Variants in SF3B2 observed in about 807,000 individuals in gnomAD.
SF3B2 encodes splicing factor 3b subunit 2.
SF3B2 carries 22 observed loss-of-function variants against 116.3 expected under a neutral mutation model. The ratio of observed to expected loss-of-function variants is 0.19; its 90% CI spans 0.14 to 0.27. The LOEUF is 0.27. SF3B2 is among the 10% of genes least tolerant of loss of function. SF3B2 has a pLI of 1.00. For missense variants in SF3B2, 767 were observed against 1,151.4 expected (o/e 0.67, Z 4.83); for synonymous variants, 406 against 421.6 (o/e 0.96, Z 0.45).
intron 21 of SF3B2, 137 bp from the exon 22 acceptor site, chr11:66,068,537 A>G: frequency 1.2e-6 from 1 of 863,776 alleles, no homozygotes; most frequent in Non-Finnish European, 1.8e-6. Context: ...GCCAAGTCTG[A>G]GAGGGAGCTC....
intron 19 of SF3B2, chr11:66,064,696 G>A (rs773095170): frequency 9.2e-5 from 14 of 152,198 alleles, no homozygotes; most frequent in South Asian, 2.1e-4. Context: ...GTTAGGGGGC[G>A]TGGTGGCTTA....
intron 19 of SF3B2, chr11:66,066,455 A>G (rs1380515593): frequency 1.3e-5 from 2 of 152,056 alleles, no homozygotes; most frequent in Non-Finnish European, 2.9e-5. Flanking sequence ...GTGCCTGGTA[A>G]TTTTTTATTG....
chr11:66,056,692 A>G, intron 5 of SF3B2, 146 bp from the exon 6 acceptor site: 1 of 630,034 alleles, frequency 1.6e-6, no homozygotes, highest in Admixed American at 2.4e-5. Context: ...GTAGCCTGGA[A>G]GTGTGGGGGT....
intron 5 of SF3B2, 115 bp downstream of exon 5, chr11:66,055,700 GTTC>G: frequency 3.4e-6 from 3 of 890,354 alleles, no homozygotes; most frequent in Non-Finnish European, 5.3e-6. Flanking sequence ...TCTCAACTAA[GTTC>G]TAGTATCTTC....
chr11:66,067,713 T>C, intron 19 of SF3B2: 1 of 533,212 alleles, frequency 1.9e-6, no homozygotes, highest in South Asian at 2.0e-5. Context: ...CTGTGATCCC[T>C]TGACTTGATT....
chr11:66,059,744 G>A lies in SF3B2; in HGVS notation c.1402-38G>A, dbSNP rs540494266. On this transcript the variant is annotated intron_variant, in intron 12 of 21. Coordinates refer to ENST00000322535, the MANE Select transcript of SF3B2 (RefSeq NM_006842.3). This position sits in a 1 kb window ranked among gnomAD's most constrained non-coding sequence, Gnocchi z 5.0. Reference sequence around the variant, plus strand: ...AGAAGAGCTTCAGAACTGAGAAGTCGGGGCTCTCGAGAACACGCATTACTA... The same window carrying A: ...AGAAGAGCTTCAGAACTGAGAAGTCAGGGCTCTCGAGAACACGCATTACTA... 1.9e-6 allele frequency: 3 copies of A among 1,609,426 alleles called. No individual in the cohort carries two copies. The highest frequency in any genetic ancestry group is 2.2e-5 in the East Asian group (1 of 44,832).
rs377754149 is a variant in SF3B2, at chr11:66,063,432, C to G, written c.2118C>G (p.Thr706=). 4 of 1,613,690 alleles carry G rather than the reference C, an allele frequency of 2.5e-6. No homozygotes were observed. In the African/African-American group the frequency reaches 5.3e-5, roughly 22 times the overall value. ...TKTEEEEIDR[T]PWGELEPSDE... ...CTGAGGAAGAAGAGATTGATCGGAC[C>G]CCTTGGGGGGAACTGGAACCATCTG... The change falls in exon 18 of 22, where the codon ACC becomes ACG. Residue 706 remains threonine (T), a synonymous_variant. Coordinates refer to ENST00000322535, the MANE Select transcript of SF3B2 (RefSeq NM_006842.3).
intron 3 of SF3B2, among the ~76,000 whole-genome samples, chr11:66,054,507 C>G (rs962986744): frequency 1.9e-4 from 29 of 150,658 alleles, no homozygotes; most frequent in Admixed American, 4.0e-4. Context: ...AGCTTGAATA[C>G]AAGGAAGACT....
chr11:66,068,682 A>C lies in SF3B2; in HGVS notation c.2625A>C (p.Lys875Asn), dbSNP rs757670256. The C allele has an allele frequency of 3.1e-6, 5 of 1,613,924 alleles. No homozygotes were observed. Among genetic ancestry groups the C allele is most frequent in the South Asian group, 1.1e-5 (1 of 91,082 alleles). The change falls in exon 22 of 22, where the codon AAA (lysine) becomes AAC (asparagine). Residue 875 changes from lysine (K) to asparagine (N), a missense_variant. By Grantham distance (94) the Lys-to-Asn change is moderately conservative (BLOSUM62 0). Coordinates refer to ENST00000322535, the MANE Select transcript of SF3B2 (RefSeq NM_006842.3). Reference sequence around the variant, plus strand: ...TCTTTCTCCCTATACAGCAAAAAAAACGGAAAGCTCAGCCCCAGGACAGCC... The same window carrying C: ...TCTTTCTCCCTATACAGCAAAAAAACCGGAAAGCTCAGCCCCAGGACAGCC... ...AEHAAKQKQK[K>N]RKAQPQDSRG... is the part of the protein sequence containing the mutation.
intron 14 of SF3B2, 59 bp downstream of exon 14, chr11:66,060,790 T>G: frequency 6.7e-7 from 1 of 1,486,280 alleles, no homozygotes; most frequent in Non-Finnish European, 9.2e-7. Flanking sequence ...TGTCTAGGGC[T>G]TTTTTTTGTT....
At position 66,056,580 on chromosome 11, in the gene SF3B2, A is replaced by G. The variant is rs111344366; in HGVS notation, c.550-258A>G. Among the ~76,000 whole-genome samples, 48 of 152,316 alleles carry G rather than the reference A, an allele frequency of 3.2e-4. 1 individual carries two copies. The highest frequency in any genetic ancestry group is 1.1e-3 in the African/African-American group (46 of 41,554). ...AAAGTAGAAGGCACTGTTTGGCTCA[A>G]TATGAAATTCTCTGCTAGGAACCAG... On this transcript the variant is annotated intron_variant, in intron 5 of 21. Coordinates refer to ENST00000322535, the MANE Select transcript of SF3B2 (RefSeq NM_006842.3).
At chr11:66,067,745 C>T (rs1457157993) in intron 19 of SF3B2, 5 of 568,934 alleles carry the variant, frequency 8.8e-6, no homozygotes, top group Non-Finnish European at 1.6e-5. Context: ...TTAGCTCCAT[C>T]TGTGTTCCCT....
In SF3B2 at chr11:66,063,429, G is replaced by A; in HGVS notation, c.2115G>A (p.Arg705=). 1 of 1,613,934 alleles carries A rather than the reference G, an allele frequency of 6.2e-7. No homozygotes were observed. Among genetic ancestry groups the A allele is most frequent in the Non-Finnish European group, 8.5e-7 (1 of 1,179,882 alleles). Reference sequence around the variant, plus strand: ...AGACTGAGGAAGAAGAGATTGATCGGACCCCTTGGGGGGAACTGGAACCAT... The same window carrying A: ...AGACTGAGGAAGAAGAGATTGATCGAACCCCTTGGGGGGAACTGGAACCAT... ...QTKTEEEEID[R]TPWGELEPSD... is the part of the protein sequence containing the mutation. Residue 705 remains arginine, a synonymous_variant, in exon 18 of 22, where the codon CGG becomes CGA. Coordinates refer to ENST00000322535, the MANE Select transcript of SF3B2 (RefSeq NM_006842.3).
Position 66,063,057 on chromosome 11 carries a change from G to T in SF3B2, c.2026G>T (p.Asp676Tyr). The T allele has an allele frequency of 6.2e-7, 1 of 1,614,154 alleles. No individual in the cohort carries two copies. The highest frequency in any genetic ancestry group is 8.5e-7 in the Non-Finnish European group (1 of 1,180,012). ...TGGTGGCTGGGGCAAACCTCCAGTG[G>T]ATGAGACTGGGAAACCGCTCTATGG... Reference protein sequence around the residue: ...HAGGWGKPPVDETGKPLYGDV... With the variant: ...HAGGWGKPPVYETGKPLYGDV... The change falls in exon 17 of 22, where the codon GAT becomes TAT. Residue 676 changes from aspartate to tyrosine, a missense_variant. By Grantham distance (160) the Asp-to-Tyr change is radical. Transcript: ENST00000322535.
intron 4 of SF3B2, 23 bp downstream of exon 4, chr11:66,055,338 C>T (rs745980548): frequency 1.9e-6 from 3 of 1,604,954 alleles, no homozygotes; most frequent in South Asian, 2.2e-5. Context: ...GCAGCCCTGG[C>T]CTTGGACTCA....
intron 19 of SF3B2, chr11:66,067,274 A>G: frequency 2.5e-6 from 1 of 392,662 alleles, no homozygotes; most frequent in Non-Finnish European, 5.1e-6. Flanking sequence ...TGAACCCTTT[A>G]GGTCATGGTA....
intron 16 of SF3B2, among the ~76,000 whole-genome samples, 170 bp downstream of exon 16, chr11:66,062,168 T>G (rs1056687492): frequency 1.3e-5 from 2 of 152,214 alleles, no homozygotes; most frequent in Non-Finnish European, 1.5e-5. Flanking sequence ...AAACAAATAA[T>G]GGTTTTTGTT....
At chr11:66,060,101 C>A in intron 13 of SF3B2, 92 bp downstream of exon 13, 1 of 1,053,446 alleles carries the variant, frequency 9.5e-7, no homozygotes, top group Non-Finnish European at 1.4e-6. Flanking sequence ...TGAAACCCAC[C>A]TACCACCTAC....
Position 66,055,225 on chromosome 11 carries a change from T to C in SF3B2, c.408T>C (p.Gly136=), listed in dbSNP as rs747319975. 6.2e-7 allele frequency: 1 copy of C among 1,613,424 alleles called. No individual in the cohort carries two copies. Among genetic ancestry groups the C allele is most frequent in the Non-Finnish European group, 8.5e-7 (1 of 1,179,678 alleles). ...NLGPPPPLRV[G]EPVALSEEER... Reference sequence around the variant, plus strand: ...GGCCCCCGCCTCCTCTCCGTGTGGGTGAGCCAGTGGCACTGTCAGAGGAGG... The same window carrying C: ...GGCCCCCGCCTCCTCTCCGTGTGGGCGAGCCAGTGGCACTGTCAGAGGAGG... Residue 136 remains glycine (G), a synonymous_variant, in exon 4 of 22, where the codon GGT becomes GGC. Transcript: ENST00000322535.
Sources: gnomAD v4.1 joint callset for allele counts (sites outside exome capture counted in the v4.1 genomes callset) on GRCh38, gnomAD v4.1.1 for gene constraint, Gnocchi (gnomAD v3.1) non-coding constraint, MANE v1.5 for transcripts, NCBI Gene and HGNC (gene_info 2026-07-23, HGNC 2026-07-21) for gene names.